The following DCC variants were observed in gnomAD, a reference collection of about 807,000 sequenced individuals.
DCC encodes the protein netrin receptor DCC.
DCC carries 58 observed loss-of-function variants against 172.5 expected under a neutral mutation model. The ratio of observed to expected loss-of-function variants is 0.34; its 90% CI spans 0.27 to 0.42. The LOEUF (loss-of-function observed/expected upper bound fraction) is 0.42, where lower values mean the gene tolerates loss of function less well. Among genes scored for constraint, DCC ranks in the 10% least tolerant of loss-of-function variants. The pLI is 1.00. For synonymous variants in DCC, 709 were observed against 644.5 expected (o/e 1.10, Z -1.52); for missense variants, 1,740 against 1,791.0 (o/e 0.97, Z 0.51).
At chr18:52,802,004 C>A (rs78724428) in intron 2 of DCC, among the ~76,000 whole-genome samples, 4 of 144,232 alleles carry the variant, frequency 2.8e-5, no homozygotes, top group African/African-American at 1.0e-4. Flanking sequence ...TTATTCTATT[C>A]TTTTTTTTTT....
chr18:52,611,650 A>G (rs2034279593), intron 1 of DCC, among the ~76,000 whole-genome samples: 1 of 152,264 alleles, frequency 6.6e-6, no homozygotes, highest in African/African-American at 2.4e-5. Flanking sequence ...TAAATAGTTC[A>G]GTAATTCAAA....
chr18:53,477,373 A>T (rs1260720408), intron 25 of DCC, among the ~76,000 whole-genome samples: 1 of 152,212 alleles, frequency 6.6e-6, no homozygotes, highest in Non-Finnish European at 1.5e-5. Flanking sequence ...ATAAGGCCAT[A>T]GGTAACTATG....
At chr18:52,341,000 C>T (rs1983606606) in intron 1 of DCC, 122 bp downstream of exon 1, 29 of 817,500 alleles carry the variant, frequency 3.5e-5, no homozygotes, top group South Asian at 3.1e-4. Context: ...GCTTGCGCTG[C>T]CCCCATTTGC....
chr18:53,233,240 T>A (rs1212985107), intron 12 of DCC, among the ~76,000 whole-genome samples: 3 of 152,212 alleles, frequency 2.0e-5, no homozygotes, highest in Non-Finnish European at 4.4e-5. Flanking sequence ...ACATGTGTCA[T>A]CATACCAGTT....
intron 1 of DCC, among the ~76,000 whole-genome samples, chr18:52,722,940 G>C: frequency 7.1e-6 from 1 of 141,320 alleles, no homozygotes; most frequent in East Asian, 2.1e-4. Context: ...AAAATGTTTT[G>C]GTTCCATTTT....
chr18:53,412,831 G>T (rs981654687), intron 20 of DCC, among the ~76,000 whole-genome samples: 2 of 152,106 alleles, frequency 1.3e-5, no homozygotes, highest in Non-Finnish European at 2.9e-5. Flanking sequence ...AATAATCACT[G>T]TTTAATTAAA....
chr18:52,377,800 G>A (rs568686884), intron 1 of DCC, among the ~76,000 whole-genome samples: 149 of 150,856 alleles, frequency 9.9e-4, no homozygotes, highest in Middle Eastern at 3.4e-3. Flanking sequence ...TCTGCCTCCC[G>A]GGTTCAAGCA....
At chr18:53,027,508 C>T (rs1158283264) in intron 5 of DCC, among the ~76,000 whole-genome samples, 1 of 152,088 alleles carries the variant, frequency 6.6e-6, no homozygotes, top group African/African-American at 2.4e-5. Flanking sequence ...GGCAGGGAAG[C>T]TGATGTTCAG....
rs577972229 is a variant in DCC at position 53,428,556 on chromosome 18, T to A, written c.3164-6588T>A. Reference sequence around the variant, plus strand: ...GTATTTTATATATATATAAATATATTTATATATATATTTATATATATAAAA... The same window carrying A: ...GTATTTTATATATATATAAATATATATATATATATATTTATATATATAAAA... On this transcript the variant is annotated intron_variant, in intron 21 of 28. Coordinates refer to ENST00000442544, the MANE Select transcript of DCC (RefSeq NM_005215.4). Among the ~76,000 whole-genome samples the A allele has an allele frequency of 4.4e-5, 2 of 45,542 alleles. 1 individual carries two copies. The highest frequency in any genetic ancestry group is 1.3e-4 in the African/African-American group (2 of 15,018). The allele number at this position is 45,542 out of a possible 152,430, so 29.9% of individuals were successfully genotyped here. A position where few individuals can be genotyped will look rare whatever the true frequency, so the allele number is the denominator to read the frequency against.
chr18:53,444,728 T>G (rs932580461), intron 22 of DCC, among the ~76,000 whole-genome samples: 1 of 152,218 alleles, frequency 6.6e-6, no homozygotes, highest in Admixed American at 6.5e-5. Flanking sequence ...TAGACTACAG[T>G]ATAGTGTAAA....
intron 2 of DCC, among the ~76,000 whole-genome samples, chr18:52,803,793 C>T (rs1288001038): frequency 6.6e-6 from 1 of 152,240 alleles, no homozygotes; most frequent in Non-Finnish European, 1.5e-5. Context: ...TCCACACACT[C>T]ATGGACCTCT....
At chr18:53,515,874 C>A (rs1450451501) in intron 27 of DCC, among the ~76,000 whole-genome samples, 1 of 151,950 alleles carries the variant, frequency 6.6e-6, no homozygotes, top group Non-Finnish European at 1.5e-5. Context: ...GCCATACTGC[C>A]CAAGGTAATT....
chr18:52,505,096 G>A (rs1463449090), intron 1 of DCC, among the ~76,000 whole-genome samples: 2 of 152,078 alleles, frequency 1.3e-5, no homozygotes, highest in Admixed American at 1.3e-4. Context: ...TAGAAGGGAG[G>A]GGAAAGATCA....
chr18:53,151,037 T>G (rs999875374), intron 7 of DCC, among the ~76,000 whole-genome samples: 1 of 152,172 alleles, frequency 6.6e-6, no homozygotes, highest in African/African-American at 2.4e-5. Context: ...ACCAAGCTGG[T>G]TTTCCCTCTG....
At chr18:53,462,894 C>G (rs2045577483) in intron 24 of DCC, among the ~76,000 whole-genome samples, 1 of 152,222 alleles carries the variant, frequency 6.6e-6, no homozygotes, top group Non-Finnish European at 1.5e-5. Flanking sequence ...TCTCCTATAT[C>G]CTTGCCAGAC....
intron 5 of DCC, among the ~76,000 whole-genome samples, chr18:52,961,258 T>G (rs1013768657): frequency 6.6e-6 from 1 of 152,118 alleles, no homozygotes; most frequent in African/African-American, 2.4e-5. Flanking sequence ...AACCTGCACG[T>G]TGTGCACATG....
At chr18:53,512,704 G>A (rs1340848067) in intron 27 of DCC, among the ~76,000 whole-genome samples, 2 of 151,552 alleles carry the variant, frequency 1.3e-5, no homozygotes, top group Non-Finnish European at 2.9e-5. Flanking sequence ...TGGAAGAAAG[G>A]GTATCAGCAA....
intron 1 of DCC, among the ~76,000 whole-genome samples, chr18:52,620,569 T>G (rs1270608297): frequency 6.6e-6 from 1 of 152,218 alleles, no homozygotes; most frequent in Admixed American, 6.5e-5. Context: ...TCAAAATTTT[T>G]GTTCTTGAAG....
intron 7 of DCC, among the ~76,000 whole-genome samples, chr18:53,100,096 A>C (rs1187831655): frequency 2.0e-5 from 3 of 151,410 alleles, no homozygotes; most frequent in African/African-American, 7.3e-5. Context: ...ATAGGCAGGC[A>C]CCACCACGCC....
Sources: allele counts gnomAD v4.1 joint callset (sites outside exome capture counted in the v4.1 genomes callset), GRCh38; gene constraint gnomAD v4.1.1; transcripts MANE v1.5; gene names NCBI Gene and HGNC (gene_info 2026-07-23, HGNC 2026-07-21).